Variants in GRID1 observed in about 807,000 individuals in gnomAD.
The protein encoded by GRID1 is glutamate ionotropic receptor delta type subunit 1, also known as glutamate receptor ionotropic, delta-1.
In GRID1, 28 loss-of-function variants were observed where a neutral mutation model predicts 98.0. The observed-to-expected ratio is 0.29, with a 90% CI of 0.21 to 0.39. The LOEUF (loss-of-function observed/expected upper bound fraction) is 0.39. Among genes scored for constraint, GRID1 ranks in the 10% least tolerant of loss-of-function variants. The pLI is 1.00. For missense variants in GRID1, 1,111 were observed against 1,340.5 expected, an observed-to-expected ratio of 0.83 and a Z score of 2.67; for synonymous variants, 553 against 538.5, an observed-to-expected ratio of 1.03 and a Z score of -0.37.
chr10:86,285,794 A>C (rs1156918784), intron 2 of GRID1, among the ~76,000 whole-genome samples: 1 of 152,240 alleles, frequency 6.6e-6, no homozygotes, highest in Non-Finnish European at 1.5e-5. Flanking sequence ...GTCCTTACTT[A>C]ACATCACTGA....
rs541786248 is a variant in GRID1, at chr10:86,238,531, A to AT, written c.236-31884dup. 3.3e-5 allele frequency among the ~76,000 whole-genome samples: 5 copies of AT among 152,218 alleles called. No homozygotes were observed. The South Asian group carries it at 1.0e-3, about 32-fold the overall frequency. On this transcript the variant is annotated intron_variant, in intron 2 of 15. Transcript: ENST00000327946. ...CTAAAAATACAAAAATTAGCTGGGCATGGTGGCACATGCCTATAGTCCCAG... is the reference window on the plus strand; with the variant it reads ...CTAAAAATACAAAAATTAGCTGGGCATTGGTGGCACATGCCTATAGTCCCAG...
intron 12 of GRID1, among the ~76,000 whole-genome samples, chr10:85,718,550 T>A (rs1484123287): frequency 6.6e-6 from 1 of 152,242 alleles, no homozygotes; most frequent in Non-Finnish European, 1.5e-5. Context: ...TCTGTGCACC[T>A]GCAGGCTCAA....
intron 12 of GRID1, among the ~76,000 whole-genome samples, chr10:85,676,184 G>A (rs1841143163): frequency 6.6e-6 from 1 of 152,092 alleles, no homozygotes; most frequent in Non-Finnish European, 1.5e-5. Flanking sequence ...TTTTTGGAAG[G>A]TTGAGCCTGT....
intron 2 of GRID1, among the ~76,000 whole-genome samples, chr10:86,293,302 C>G (rs771772648): frequency 9.9e-5 from 15 of 152,156 alleles, no homozygotes; most frequent in Non-Finnish European, 2.1e-4. Context: ...GCCTACCTCC[C>G]CATGTCTTTC....
At chr10:86,000,615 C>T (rs912762771) in intron 4 of GRID1, among the ~76,000 whole-genome samples, 4 of 152,068 alleles carry the variant, frequency 2.6e-5, no homozygotes, top group African/African-American at 9.7e-5. Flanking sequence ...CAAAAATAGA[C>T]CCACACAAAT....
At chr10:86,135,867 C>T (rs1321396870) in intron 4 of GRID1, among the ~76,000 whole-genome samples, 1 of 152,250 alleles carries the variant, frequency 6.6e-6, no homozygotes, top group South Asian at 2.1e-4. Flanking sequence ...CACTCACTCC[C>T]ATTTGGCTAG....
At position 86,170,170 on chromosome 10, in the gene GRID1, G is replaced by A. The variant is rs534985106; in HGVS notation, c.521-31146C>T. Among the ~76,000 whole-genome samples the A allele has an allele frequency of 1.4e-4, 22 of 152,334 alleles. No homozygotes were observed. The South Asian group carries it at 4.6e-3, about 32-fold the overall frequency. The stretch of plus-strand genomic sequence containing the variant: ...ACAACGGTGCCCAACGTGACACCTA[G>A]AGCCTGAGTGGCTCTGGCCCAGCCC... On this transcript the variant is annotated intron_variant, in intron 3 of 15. Transcript: ENST00000327946.
At chr10:85,776,868 T>A (rs1022395205) in intron 8 of GRID1, among the ~76,000 whole-genome samples, 19 of 152,184 alleles carry the variant, frequency 1.2e-4, no homozygotes, top group Non-Finnish European at 1.2e-4. Context: ...CTAGTCCTTG[T>A]GTGGCTTGCT....
chr10:86,305,196 C>T (rs565151531), intron 2 of GRID1, among the ~76,000 whole-genome samples: 1 of 152,174 alleles, frequency 6.6e-6, no homozygotes, highest in South Asian at 2.1e-4. Flanking sequence ...ATCAACTCTC[C>T]CCAGGTCTCC....
intron 6 of GRID1, among the ~76,000 whole-genome samples, chr10:85,865,314 A>G (rs1309167936): frequency 1.3e-5 from 2 of 152,188 alleles, no homozygotes; most frequent in African/African-American, 2.4e-5. Flanking sequence ...CTAAATAGGA[A>G]CCAAACTGAT....
chr10:86,217,586 A>G (rs896919458), intron 2 of GRID1, among the ~76,000 whole-genome samples: 2 of 152,116 alleles, frequency 1.3e-5, no homozygotes, highest in Non-Finnish European at 2.9e-5. Flanking sequence ...CCAGACACCA[A>G]TCATGGCCTG....
chr10:85,941,758 C>A (rs988459702), intron 4 of GRID1, among the ~76,000 whole-genome samples: 14 of 152,280 alleles, frequency 9.2e-5, no homozygotes, highest in African/African-American at 3.4e-4. Flanking sequence ...CAAAAGAGGG[C>A]ATCTTTAGTT....
At chr10:85,728,821 G>C (rs1841791144) in intron 9 of GRID1, among the ~76,000 whole-genome samples, 1 of 152,192 alleles carries the variant, frequency 6.6e-6, no homozygotes, top group Admixed American at 6.5e-5. Context: ...TGTGCAAACA[G>C]AGAATGCAGA....
At chr10:86,084,303 C>A in intron 4 of GRID1, among the ~76,000 whole-genome samples, 1 of 148,650 alleles carries the variant, frequency 6.7e-6, no homozygotes, top group African/African-American at 2.5e-5. Flanking sequence ...AGGATGGCTA[C>A]TATCAAAAGA....
intron 4 of GRID1, among the ~76,000 whole-genome samples, chr10:86,079,273 C>T (rs764510783): frequency 6.6e-6 from 1 of 152,224 alleles, no homozygotes; most frequent in Non-Finnish European, 1.5e-5. Context: ...TGGATAGGGG[C>T]TGATTACCCT....
intron 10 of GRID1, among the ~76,000 whole-genome samples, chr10:85,726,973 C>G (rs971909417): frequency 1.3e-5 from 2 of 152,148 alleles, no homozygotes; most frequent in East Asian, 3.9e-4. Context: ...GGACGAATGA[C>G]AAGCCTAGTG....
intron 4 of GRID1, among the ~76,000 whole-genome samples, chr10:86,046,472 C>T (rs1417415237): frequency 1.3e-5 from 2 of 152,168 alleles, no homozygotes; most frequent in Non-Finnish European, 2.9e-5. Context: ...GCTTGCCTGC[C>T]CTATATCAAT....
At chr10:86,305,226 G>A (rs906204537) in intron 2 of GRID1, among the ~76,000 whole-genome samples, 5 of 151,926 alleles carry the variant, frequency 3.3e-5, no homozygotes, top group Admixed American at 2.0e-4. Flanking sequence ...TGCAGATTTC[G>A]CACTTTGCCA....
At position 85,668,064 on chromosome 10, in the gene GRID1, G is replaced by T. The variant is rs377152930; in HGVS notation, c.1998-20667C>A. The stretch of plus-strand genomic sequence containing the variant: ...GGCTAACCTGCTGTGTACTGTGGCT[G>T]TTGTTATTATGAGATAAGGTGCATT... On this transcript the variant is annotated intron_variant, in intron 12 of 15. Coordinates refer to ENST00000327946, the MANE Select transcript of GRID1 (RefSeq NM_017551.3). 2.6e-5 allele frequency among the ~76,000 whole-genome samples: 4 copies of T among 152,322 alleles called. No individual in the cohort carries two copies. In the East Asian group the frequency reaches 7.7e-4, roughly 29 times the overall value.
Sources: gnomAD v4.1 joint callset for allele counts (sites outside exome capture counted in the v4.1 genomes callset) on GRCh38, gnomAD v4.1.1 for gene constraint, MANE v1.5 for transcripts, NCBI Gene and HGNC (gene_info 2026-07-23, HGNC 2026-07-21) for gene names.